The following FRMD4B variants were observed in gnomAD, a reference collection of about 807,000 sequenced individuals.
FRMD4B encodes the protein FERM domain containing 4B.
A neutral mutation model predicts 141.5 loss-of-function variants in FRMD4B; 74 were observed. The ratio of observed to expected loss-of-function variants is 0.52; its 90% CI spans 0.43 to 0.63. The LOEUF is 0.63. Ranked by LOEUF, FRMD4B falls within the 30% of genes least tolerant of loss-of-function variation. FRMD4B has a pLI of 0.00. For synonymous variants in FRMD4B, 506 were observed against 467.9 expected (o/e 1.08, Z -1.05); for missense variants, 1,366 against 1,253.4 (o/e 1.09, Z -1.36).
At chr3:69,317,898 G>C (rs1701859995) in intron 1 of FRMD4B, among the ~76,000 whole-genome samples, 1 of 151,492 alleles carries the variant, frequency 6.6e-6, no homozygotes, top group African/African-American at 2.4e-5. Flanking sequence ...TTTTGTCCTT[G>C]AGTTTCATGA....
At chr3:69,343,772 G>A (rs1391346387) in intron 1 of FRMD4B, among the ~76,000 whole-genome samples, 2 of 151,648 alleles carry the variant, frequency 1.3e-5, no homozygotes, top group Non-Finnish European at 1.5e-5. Context: ...TAGAGATGGG[G>A]TCTCACCACA....
intron 1 of FRMD4B, among the ~76,000 whole-genome samples, chr3:69,509,391 G>T (rs188048708): frequency 6.6e-6 from 1 of 152,110 alleles, no homozygotes; most frequent in Non-Finnish European, 1.5e-5. Context: ...GTTCCCTCCC[G>T]CCATGTTGTA....
intron 1 of FRMD4B, among the ~76,000 whole-genome samples, chr3:69,494,932 G>A (rs1187249819): frequency 6.6e-6 from 1 of 150,762 alleles, no homozygotes; most frequent in Non-Finnish European, 1.5e-5. Context: ...GGGAAGGGAG[G>A]GGAGAGGAGG....
intron 1 of FRMD4B, among the ~76,000 whole-genome samples, chr3:69,452,080 C>T (rs745768813): frequency 1.4e-4 from 21 of 152,328 alleles, no homozygotes; most frequent in Admixed American, 1.0e-3. Context: ...GAATTCAACA[C>T]GAACTTTATA....
At chr3:69,523,513 A>G (rs1299707679) in intron 1 of FRMD4B, among the ~76,000 whole-genome samples, 1 of 152,104 alleles carries the variant, frequency 6.6e-6, no homozygotes, top group Non-Finnish European at 1.5e-5. Context: ...TCAAAGTAGC[A>G]AATTGGTTGC....
At position 69,203,791 on chromosome 3, in the gene FRMD4B, G is replaced by T. The variant is rs561115684; in HGVS notation, c.877-5017C>A. Among the ~76,000 whole-genome samples, 40 of 152,332 alleles carry T rather than the reference G, an allele frequency of 2.6e-4. No homozygotes were observed. The South Asian group carries it at 2.9e-3, about 11-fold the overall frequency. The stretch of plus-strand genomic sequence containing the variant: ...AATTCAGTAAGCAATAAAGTCAGCT[G>T]TATTTGTAATGAAGAACTCTCAGTT... On this transcript the variant is annotated intron_variant, in intron 11 of 22. Coordinates refer to ENST00000398540, the MANE Select transcript of FRMD4B (RefSeq NM_015123.3).
At chr3:69,406,153 C>G (rs1265089593) in intron 2 of FRMD4B, among the ~76,000 whole-genome samples, 1 of 152,148 alleles carries the variant, frequency 6.6e-6, no homozygotes, top group African/African-American at 2.4e-5. Context: ...AAATCGAACA[C>G]AAAAACACAT....
At chr3:69,344,924 G>T (rs1702880387) in intron 1 of FRMD4B, among the ~76,000 whole-genome samples, 1 of 152,110 alleles carries the variant, frequency 6.6e-6, no homozygotes, top group South Asian at 2.1e-4. Flanking sequence ...GCAGAAGATG[G>T]GTGATTTCTG....
At chr3:69,190,090 A>G in intron 17 of FRMD4B, 138 bp from the exon 18 acceptor site, 1 of 584,986 alleles carries the variant, frequency 1.7e-6, no homozygotes. Context: ...ATAATTAACT[A>G]CCATAGTAAG....
At chr3:69,402,983 G>A (rs980456410) in intron 2 of FRMD4B, among the ~76,000 whole-genome samples, 52 of 152,152 alleles carry the variant, frequency 3.4e-4, no homozygotes, top group African/African-American at 1.3e-3. Flanking sequence ...CACAGAATAC[G>A]GCAGAGAAGA....
At chr3:69,535,094 C>T (rs1278390568) in intron 1 of FRMD4B, among the ~76,000 whole-genome samples, 1 of 151,986 alleles carries the variant, frequency 6.6e-6, no homozygotes, top group East Asian at 1.9e-4. Context: ...TCTTATAATC[C>T]CCACTTTATA....
intron 7 of FRMD4B, chr3:69,228,370 G>A (rs1319668709): frequency 2.2e-6 from 1 of 456,866 alleles, no homozygotes; most frequent in African/African-American, 2.0e-5. Flanking sequence ...ACAGGCATTA[G>A]AAAATCAACT....
intron 5 of FRMD4B, among the ~76,000 whole-genome samples, chr3:69,256,182 A>G (rs1297312995): frequency 6.6e-6 from 1 of 152,216 alleles, no homozygotes; most frequent in Non-Finnish European, 1.5e-5. Context: ...GCCAACAAAC[A>G]GTGCAAAGAG....
intron 1 of FRMD4B, among the ~76,000 whole-genome samples, chr3:69,349,271 G>A (rs1457995968): frequency 2.6e-5 from 4 of 152,202 alleles, no homozygotes; most frequent in Non-Finnish European, 5.9e-5. Flanking sequence ...TACAAGGGAT[G>A]TGAAAGACCT....
intron 4 of FRMD4B, among the ~76,000 whole-genome samples, chr3:69,293,232 C>T (rs1700929208): frequency 6.6e-6 from 1 of 152,034 alleles, no homozygotes; most frequent in Admixed American, 6.6e-5. Flanking sequence ...TTTGAAGAGT[C>T]GCTTAAATTT....
In FRMD4B at chr3:69,171,894, C is replaced by T. The variant is rs1408025791; in HGVS notation, c.3072G>A (p.Trp1024Ter). ...ATGTTCCAGGCTTTGAATCTTCATGCCAAAAGAGTCTCTGCTCACTACTCT... is the reference window on the plus strand; with the variant it reads ...ATGTTCCAGGCTTTGAATCTTCATGTCAAAAGAGTCTCTGCTCACTACTCT... ...NLESSEQRLF[W>*]HEDSKPGTLV The change falls in exon 23 of 23, where the codon TGG becomes TGA. Residue 1024 changes from tryptophan to a stop codon, truncating the protein, a stop_gained. Coordinates refer to ENST00000398540, the MANE Select transcript of FRMD4B (RefSeq NM_015123.3). LOFTEE classifies it high-confidence loss of function. The T allele has an allele frequency of 6.2e-7, 1 of 1,613,444 alleles. No individual in the cohort carries two copies. The highest frequency in any genetic ancestry group is 8.5e-7 in the Non-Finnish European group (1 of 1,179,468).
intron 1 of FRMD4B, among the ~76,000 whole-genome samples, chr3:69,365,160 A>G (rs1216521905): frequency 6.6e-6 from 1 of 152,224 alleles, no homozygotes; most frequent in Non-Finnish European, 1.5e-5. Context: ...TTAACTATAC[A>G]AGGAAATTCC....
intron 1 of FRMD4B, among the ~76,000 whole-genome samples, chr3:69,463,786 T>C (rs1705738198): frequency 6.6e-6 from 1 of 152,190 alleles, no homozygotes; most frequent in Non-Finnish European, 1.5e-5. Context: ...CTTTGGCTCA[T>C]GATGCATAAA....
intron 1 of FRMD4B, among the ~76,000 whole-genome samples, chr3:69,475,115 T>C (rs1705962686): frequency 6.6e-6 from 1 of 152,166 alleles, no homozygotes. Flanking sequence ...AGGTTATTAC[T>C]TACCTCACTA....
Sources: gnomAD v4.1 joint callset for allele counts (sites outside exome capture counted in the v4.1 genomes callset) on GRCh38, gnomAD v4.1.1 for gene constraint, MANE v1.5 for transcripts, NCBI Gene and HGNC (gene_info 2026-07-23, HGNC 2026-07-21) for gene names.